PCDH9: variants seen among roughly 807,000 people sequenced by gnomAD.
PCDH9 encodes protocadherin-9.
PCDH9 carries 24 observed loss-of-function variants against 70.6 expected under a neutral mutation model. That is an observed-to-expected ratio of 0.34 (90% confidence interval 0.25 to 0.48). The LOEUF is 0.48. Among genes scored for constraint, PCDH9 ranks in the 20% least tolerant of loss-of-function variants. The pLI is 0.99. For missense variants in PCDH9, 1,281 were observed against 1,503.6 expected, an observed-to-expected ratio of 0.85 and a Z score of 2.45; for synonymous variants, 562 against 558.5, an observed-to-expected ratio of 1.01 and a Z score of -0.09.
chr13:66,392,574 G>A (rs1334149710), intron 4 of PCDH9, among the ~76,000 whole-genome samples: 1 of 152,054 alleles, frequency 6.6e-6, no homozygotes, highest in Non-Finnish European at 1.5e-5. Flanking sequence ...AAACAGTGTT[G>A]TTTGCCACAG....
intron 4 of PCDH9, among the ~76,000 whole-genome samples, chr13:66,411,672 TAGAC>T (rs974297532): frequency 2.0e-5 from 3 of 150,774 alleles, no homozygotes; most frequent in Non-Finnish European, 4.4e-5. Context: ...GATAGATAGA[TAGAC>T]AGATGGATAG....
At chr13:66,312,120 G>T (rs1200895336) in intron 4 of PCDH9, among the ~76,000 whole-genome samples, 1 of 152,138 alleles carries the variant, frequency 6.6e-6, no homozygotes, top group African/African-American at 2.4e-5. Context: ...TGATGAATTG[G>T]TATGGACTTT....
intron 2 of PCDH9, among the ~76,000 whole-genome samples, chr13:67,056,460 G>A (rs965419463): frequency 6.6e-6 from 1 of 152,124 alleles, no homozygotes; most frequent in Non-Finnish European, 1.5e-5. Context: ...CAATATTACA[G>A]ATGATAAAGA....
At chr13:66,698,043 T>C (rs1273417931) in intron 3 of PCDH9, among the ~76,000 whole-genome samples, 1 of 152,202 alleles carries the variant, frequency 6.6e-6, no homozygotes, top group African/African-American at 2.4e-5. Flanking sequence ...AAATGCTGTG[T>C]AATTCCACTA....
intron 4 of PCDH9, among the ~76,000 whole-genome samples, chr13:66,451,952 T>C (rs1051774274): frequency 1.3e-5 from 2 of 152,088 alleles, no homozygotes; most frequent in African/African-American, 4.8e-5. Flanking sequence ...TCCTGCAGCG[T>C]TTTTGCTTGC....
At chr13:66,805,985 A>G (rs998979014) in intron 3 of PCDH9, among the ~76,000 whole-genome samples, 4 of 152,148 alleles carry the variant, frequency 2.6e-5, no homozygotes, top group African/African-American at 9.7e-5. Context: ...TGGGTTGCCA[A>G]TGTGACTCTA....
intron 2 of PCDH9, among the ~76,000 whole-genome samples, chr13:66,953,529 A>T (rs1451729868): frequency 6.6e-6 from 1 of 152,222 alleles, no homozygotes; most frequent in Non-Finnish European, 1.5e-5. Flanking sequence ...TCTAGTGTAC[A>T]GTCTTATTGT....
chr13:66,463,461 G>C (rs1018417272), intron 4 of PCDH9, among the ~76,000 whole-genome samples: 2 of 151,752 alleles, frequency 1.3e-5, no homozygotes, highest in African/African-American at 4.8e-5. Flanking sequence ...CAGAGCAAGA[G>C]AGAGAGAAAA....
At chr13:67,080,348 G>A (rs1486216044) in intron 2 of PCDH9, among the ~76,000 whole-genome samples, 1 of 152,134 alleles carries the variant, frequency 6.6e-6, no homozygotes, top group Non-Finnish European at 1.5e-5. Flanking sequence ...CCAATAAACT[G>A]TGATAATGCT....
chr13:67,195,244 C>G, intron 2 of PCDH9, among the ~76,000 whole-genome samples: 1 of 151,912 alleles, frequency 6.6e-6, no homozygotes. Flanking sequence ...CTCCCAGGTT[C>G]ATGCCATTCT....
intron 4 of PCDH9, among the ~76,000 whole-genome samples, chr13:66,395,896 T>C (rs991524347): frequency 1.7e-4 from 26 of 152,344 alleles, no homozygotes; most frequent in African/African-American, 5.3e-4. Context: ...ACTTTGTGAT[T>C]TCTAAAGTTC....
intron 4 of PCDH9, among the ~76,000 whole-genome samples, chr13:66,591,319 A>G (rs1432538237): frequency 6.6e-6 from 1 of 151,726 alleles, no homozygotes; most frequent in Non-Finnish European, 1.5e-5. Flanking sequence ...TTGTAAATAC[A>G]TGATCTAAAT....
At chr13:66,851,695 C>T (rs937644909) in intron 3 of PCDH9, among the ~76,000 whole-genome samples, 2 of 152,092 alleles carry the variant, frequency 1.3e-5, no homozygotes, top group African/African-American at 4.8e-5. Context: ...TAATAACTTA[C>T]TGTAGACTTG....
intron 2 of PCDH9, among the ~76,000 whole-genome samples, chr13:67,083,597 G>A (rs1455604394): frequency 2.0e-5 from 3 of 152,054 alleles, no homozygotes; most frequent in Non-Finnish European, 4.4e-5. Flanking sequence ...TATGAAAGGT[G>A]CTTTTTAGCT....
At chr13:67,221,872 G>T (rs1341018619) in intron 2 of PCDH9, 1 of 152,170 alleles carries the variant, frequency 6.6e-6, no homozygotes, top group Non-Finnish European at 1.5e-5. Context: ...ATGATAATAC[G>T]AGAGGGAAAG....
intron 3 of PCDH9, among the ~76,000 whole-genome samples, chr13:66,700,903 A>C (rs2078629639): frequency 7.9e-6 from 1 of 127,104 alleles, no homozygotes; most frequent in African/African-American, 2.9e-5. Context: ...TATATATGAA[A>C]ATATATGTGT....
At chr13:66,763,283 G>A (rs1004245143) in intron 3 of PCDH9, among the ~76,000 whole-genome samples, 12 of 151,746 alleles carry the variant, frequency 7.9e-5, no homozygotes, top group African/African-American at 1.2e-4. Context: ...CTTTGACAAC[G>A]CAACATTCAA....
At chr13:66,766,433 C>T (rs1222708687) in intron 3 of PCDH9, among the ~76,000 whole-genome samples, 1 of 152,000 alleles carries the variant, frequency 6.6e-6, no homozygotes, top group Non-Finnish European at 1.5e-5. Flanking sequence ...GAAAAAATAA[C>T]ATAATACAAG....
At chr13:66,330,629 C>T (rs922564847) in intron 4 of PCDH9, among the ~76,000 whole-genome samples, 13 of 148,302 alleles carry the variant, frequency 8.8e-5, no homozygotes, top group African/African-American at 3.2e-4. Context: ...AGATCAAGGA[C>T]AAACTTCCAG....
Sources: gnomAD v4.1 joint callset for allele counts (sites outside exome capture counted in the v4.1 genomes callset) on GRCh38, gnomAD v4.1.1 for gene constraint, MANE v1.5 for transcripts, NCBI Gene and HGNC (gene_info 2026-07-23, HGNC 2026-07-21) for gene names.